SGCZ: variants seen among roughly 807,000 people sequenced by gnomAD.
SGCZ encodes zeta-sarcoglycan.
In SGCZ, 40 loss-of-function variants were observed where a neutral mutation model predicts 41.3. The ratio of observed to expected loss-of-function variants is 0.97; its 90% CI spans 0.75 to 1.26. The LOEUF is 1.26. Ranked by LOEUF, SGCZ falls within the 50% of genes most tolerant of loss-of-function variation. SGCZ has a pLI of 0.00. For synonymous variants in SGCZ, 206 were observed against 137.5 expected, an observed-to-expected ratio of 1.50 and a Z score of -3.49; for missense variants, 552 against 369.8, an observed-to-expected ratio of 1.49 and a Z score of -4.04.
At chr8:14,838,958 T>C (rs1802803734) in intron 1 of SGCZ, among the ~76,000 whole-genome samples, 1 of 152,130 alleles carries the variant, frequency 6.6e-6, no homozygotes, top group African/African-American at 2.4e-5. Flanking sequence ...AGCATGGCTA[T>C]GTTGGACAAG....
intron 2 of SGCZ, among the ~76,000 whole-genome samples, chr8:14,529,677 C>A (rs1259871252): frequency 1.3e-5 from 2 of 152,050 alleles, no homozygotes. Context: ...ATCAGTGTTT[C>A]ATGAGATCTG....
chr8:14,546,088 G>A (rs1240404417), intron 2 of SGCZ, among the ~76,000 whole-genome samples: 1 of 152,180 alleles, frequency 6.6e-6, no homozygotes, highest in Non-Finnish European at 1.5e-5. Context: ...ATGAGGAGCT[G>A]CATACGGAAG....
chr8:14,464,486 ATT>A lies in SGCZ; in HGVS notation c.234+90244_234+90245del, dbSNP rs35544350. On this transcript the variant is annotated intron_variant, in intron 2 of 7. Transcript: ENST00000382080. ...TTCTGATTTTGGAAATTTGAGTGGT[ATT>A]TTTTTTTTTTTTTTAGTTCATCTAG... Among the ~76,000 whole-genome samples, 651 of 135,874 alleles carry A rather than the reference ATT, an allele frequency of 4.8e-3. 6 individuals carry two copies. Among genetic ancestry groups the A allele is most frequent in the African/African-American group, 0.015 (590 of 38,176 alleles). The allele number at this position is 135,874 out of a possible 152,430, so 89.1% of individuals were successfully genotyped here. A position where few individuals can be genotyped will look rare whatever the true frequency, so the allele number is the denominator to read the frequency against.
chr8:14,750,691 T>C (rs1799472468), intron 1 of SGCZ, among the ~76,000 whole-genome samples: 1 of 152,176 alleles, frequency 6.6e-6, no homozygotes, highest in Admixed American at 6.5e-5. Flanking sequence ...GCTGATCAGA[T>C]ATGAACTAGA....
intron 1 of SGCZ, among the ~76,000 whole-genome samples, chr8:14,583,375 G>T (rs905987737): frequency 1.4e-4 from 21 of 152,104 alleles, no homozygotes; most frequent in African/African-American, 5.1e-4. Flanking sequence ...TTGTAAATTT[G>T]TTTGAGTTCA....
At chr8:14,230,270 A>G (rs1806514848) in intron 4 of SGCZ, among the ~76,000 whole-genome samples, 1 of 152,140 alleles carries the variant, frequency 6.6e-6, no homozygotes, top group Admixed American at 6.6e-5. Flanking sequence ...TACACAAGGC[A>G]ACTAAATCCC....
intron 2 of SGCZ, among the ~76,000 whole-genome samples, chr8:14,451,267 C>G (rs1017020854): frequency 2.0e-5 from 3 of 152,020 alleles, no homozygotes; most frequent in African/African-American, 7.2e-5. Flanking sequence ...TTTTTCTGTC[C>G]TACGTTCATT....
intron 1 of SGCZ, among the ~76,000 whole-genome samples, chr8:14,575,928 A>AG (rs1804696117): frequency 1.3e-5 from 2 of 149,120 alleles, no homozygotes; most frequent in African/African-American, 2.4e-5. Context: ...AAAAAAAAAA[A>AG]AAAAAAAGAA....
intron 2 of SGCZ, among the ~76,000 whole-genome samples, chr8:14,519,327 A>C (rs1802718702): frequency 6.6e-6 from 1 of 152,128 alleles, no homozygotes; most frequent in Non-Finnish European, 1.5e-5. Context: ...AGAAGTGATA[A>C]AATACATGCC....
At chr8:14,872,297 T>A (rs967395962) in intron 1 of SGCZ, among the ~76,000 whole-genome samples, 1 of 152,024 alleles carries the variant, frequency 6.6e-6, no homozygotes, top group African/African-American at 2.4e-5. Flanking sequence ...TGCACATATA[T>A]CCCAGAACTT....
chr8:14,905,321 T>G (rs887329432), intron 1 of SGCZ, among the ~76,000 whole-genome samples: 11 of 151,790 alleles, frequency 7.2e-5, no homozygotes, highest in Non-Finnish European at 1.5e-4. Flanking sequence ...TAATGGTAAA[T>G]GGTAGGGATA....
At chr8:15,186,846 A>T (rs1424394895) in intron 1 of SGCZ, among the ~76,000 whole-genome samples, 1 of 152,148 alleles carries the variant, frequency 6.6e-6, no homozygotes, top group African/African-American at 2.4e-5. Context: ...CTTGTTTTTC[A>T]GCTAGTGGGT....
At chr8:15,014,185 G>C (rs900448693) in intron 1 of SGCZ, among the ~76,000 whole-genome samples, 4 of 152,196 alleles carry the variant, frequency 2.6e-5, no homozygotes, top group African/African-American at 7.2e-5. Flanking sequence ...TGTGGTAGCT[G>C]AGAAGCTACT....
intron 2 of SGCZ, among the ~76,000 whole-genome samples, chr8:14,376,948 T>C (rs1804154275): frequency 6.6e-6 from 1 of 152,190 alleles, no homozygotes; most frequent in African/African-American, 2.4e-5. Context: ...TCCTAGTTTC[T>C]AACACAGAAC....
intron 1 of SGCZ, among the ~76,000 whole-genome samples, chr8:14,596,237 A>C (rs906510658): frequency 1.3e-5 from 2 of 152,178 alleles, no homozygotes; most frequent in Non-Finnish European, 2.9e-5. Context: ...ATATTTTACA[A>C]AGCTTCTCCA....
intron 2 of SGCZ, among the ~76,000 whole-genome samples, chr8:14,372,493 C>A (rs1000582830): frequency 1.3e-5 from 2 of 151,946 alleles, no homozygotes; most frequent in African/African-American, 2.4e-5. Context: ...AGAAAGAAAT[C>A]TCAAGTAAAT....
intron 2 of SGCZ, among the ~76,000 whole-genome samples, chr8:14,540,376 CCTTT>C (rs1446905177): frequency 1.3e-5 from 2 of 149,664 alleles, no homozygotes; most frequent in Non-Finnish European, 3.0e-5. Context: ...CTGAATATTA[CCTTT>C]CTAATACAAA....
intron 3 of SGCZ, among the ~76,000 whole-genome samples, chr8:14,310,332 C>G (rs190835874): frequency 6.6e-6 from 1 of 152,048 alleles, no homozygotes; most frequent in East Asian, 1.9e-4. Context: ...TTTGTGCAGT[C>G]TTTGGTAATT....
intron 3 of SGCZ, among the ~76,000 whole-genome samples, chr8:14,287,036 T>C (rs542034339): frequency 5.3e-4 from 81 of 152,004 alleles, no homozygotes; most frequent in Non-Finnish European, 9.0e-4. Flanking sequence ...GATTTCTTTG[T>C]AAACCTTCCT....
Sources: allele counts gnomAD v4.1 joint callset (sites outside exome capture counted in the v4.1 genomes callset), GRCh38; gene constraint gnomAD v4.1.1; transcripts MANE v1.5; gene names NCBI Gene and HGNC (gene_info 2026-07-23, HGNC 2026-07-21).